Variants in GNA14 observed in about 807,000 individuals in gnomAD.
The protein encoded by GNA14 is G protein subunit alpha 14.
In GNA14, 50 loss-of-function variants were observed where a neutral mutation model predicts 42.0. The ratio of observed to expected loss-of-function variants is 1.19; its 90% confidence interval spans 0.95 to 1.51. The LOEUF (loss-of-function observed/expected upper bound fraction) is 1.51. GNA14 is among the 40% of genes most tolerant of loss of function. GNA14 has a pLI of 0.00. For synonymous variants in GNA14, 173 were observed against 163.1 expected, an observed-to-expected ratio of 1.06 and a Z score of -0.46; for missense variants, 473 against 446.2, an observed-to-expected ratio of 1.06 and a Z score of -0.54.
At chr9:77,602,421 TA>T (rs1823581563) in intron 1 of GNA14, among the ~76,000 whole-genome samples, 1 of 152,232 alleles carries the variant, frequency 6.6e-6, no homozygotes, top group African/African-American at 2.4e-5. Context: ...ATGAACGGTG[TA>T]AAACAGAATC....
At chr9:77,479,426 C>T (rs1020753645) in intron 2 of GNA14, among the ~76,000 whole-genome samples, 33 of 151,920 alleles carry the variant, frequency 2.2e-4, no homozygotes, top group Non-Finnish European at 4.6e-4. Flanking sequence ...GTTACTGTAG[C>T]CTTGTAGTAT....
intron 1 of GNA14, among the ~76,000 whole-genome samples, chr9:77,627,482 C>G (rs142000476): frequency 6.6e-6 from 1 of 152,080 alleles, no homozygotes; most frequent in African/African-American, 2.4e-5. Flanking sequence ...AACATCAATG[C>G]GAAAATCCTC....
At chr9:77,504,355 G>T (rs1297727862) in intron 2 of GNA14, among the ~76,000 whole-genome samples, 1 of 152,074 alleles carries the variant, frequency 6.6e-6, no homozygotes. Context: ...GGAATCTGCT[G>T]TCTACAGGGA....
intron 2 of GNA14, among the ~76,000 whole-genome samples, chr9:77,436,545 G>A (rs138236917): frequency 5.3e-5 from 8 of 152,270 alleles, no homozygotes; most frequent in African/African-American, 1.2e-4. Context: ...CTTGGCTGGC[G>A]AGAATGATGG....
chr9:77,644,640 C>T (rs1233420702), intron 1 of GNA14, among the ~76,000 whole-genome samples: 1 of 152,034 alleles, frequency 6.6e-6, no homozygotes, highest in Non-Finnish European at 1.5e-5. Context: ...GTTGAAGCCT[C>T]CCAGTCTGTG....
intron 2 of GNA14, among the ~76,000 whole-genome samples, chr9:77,452,497 A>C (rs1303587281): frequency 2.0e-5 from 3 of 148,954 alleles, no homozygotes. Flanking sequence ...AGTTTAGGAC[A>C]AAGTCTGAAA....
chr9:77,629,102 T>C (rs1824056649), intron 1 of GNA14, among the ~76,000 whole-genome samples: 2 of 151,956 alleles, frequency 1.3e-5, no homozygotes, highest in Admixed American at 1.3e-4. Flanking sequence ...TCAAGGTATT[T>C]ATGTGGCCAA....
chr9:77,463,991 G>A (rs1378295864), intron 2 of GNA14, among the ~76,000 whole-genome samples: 1 of 152,106 alleles, frequency 6.6e-6, no homozygotes, highest in Admixed American at 6.5e-5. Flanking sequence ...AGCTGGAACT[G>A]GTTTGTTGTT....
intron 2 of GNA14, among the ~76,000 whole-genome samples, chr9:77,521,101 T>C (rs1382013454): frequency 6.6e-6 from 1 of 152,218 alleles, no homozygotes; most frequent in Non-Finnish European, 1.5e-5. Context: ...ATCAGAAAAC[T>C]GTTGGGATAA....
At chr9:77,633,769 C>T (rs1824135903) in intron 1 of GNA14, among the ~76,000 whole-genome samples, 1 of 152,156 alleles carries the variant, frequency 6.6e-6, no homozygotes, top group African/African-American at 2.4e-5. Context: ...ATCAGACCAC[C>T]TGGATTCAAA....
chr9:77,476,794 C>T (rs1432011928), intron 2 of GNA14, among the ~76,000 whole-genome samples: 1 of 152,144 alleles, frequency 6.6e-6, no homozygotes, highest in Non-Finnish European at 1.5e-5. Context: ...AAAGCTGAAA[C>T]CTTGTATCTC....
intron 2 of GNA14, among the ~76,000 whole-genome samples, chr9:77,469,009 T>G (rs143467703): frequency 6.6e-6 from 1 of 152,320 alleles, no homozygotes; most frequent in African/African-American, 2.4e-5. Context: ...AGTTTCATCT[T>G]TTGATGTGTG....
intron 4 of GNA14, among the ~76,000 whole-genome samples, chr9:77,430,444 T>C (rs1835527695): frequency 6.6e-6 from 1 of 152,218 alleles, no homozygotes; most frequent in African/African-American, 2.4e-5. Flanking sequence ...AAGCAGTTAA[T>C]TGTGAAAAGG....
intron 2 of GNA14, among the ~76,000 whole-genome samples, chr9:77,522,410 G>A (rs748127549): frequency 1.3e-5 from 2 of 152,178 alleles, no homozygotes; most frequent in Non-Finnish European, 2.9e-5. Context: ...GTCACCTGGA[G>A]ATTCTGTCAA....
intron 2 of GNA14, among the ~76,000 whole-genome samples, chr9:77,461,741 C>T (rs936353127): frequency 5.3e-5 from 7 of 131,488 alleles, no homozygotes; most frequent in Non-Finnish European, 9.4e-5. Context: ...CATGCGTTTA[C>T]TGTTAGAATT....
At chr9:77,569,995 G>C (rs1367335819) in intron 1 of GNA14, among the ~76,000 whole-genome samples, 1 of 151,914 alleles carries the variant, frequency 6.6e-6, no homozygotes. Context: ...TCGAACTCTT[G>C]ACCTCGTGAT....
At chr9:77,489,806 T>C (rs928285995) in intron 2 of GNA14, among the ~76,000 whole-genome samples, 1 of 152,116 alleles carries the variant, frequency 6.6e-6, no homozygotes, top group Non-Finnish European at 1.5e-5. Flanking sequence ...GTGGTGAGTG[T>C]TACAGCTCAT....
At chr9:77,508,572 T>C (rs7039992) in intron 2 of GNA14, among the ~76,000 whole-genome samples, 34,630 of 152,150 alleles carry the variant, frequency 0.23, 4,235 homozygotes, top group East Asian at 0.46. Flanking sequence ...TACGTGTATA[T>C]ATGTGTGCGT....
chr9:77,521,835 G>A (rs943701505), intron 2 of GNA14, among the ~76,000 whole-genome samples: 1 of 151,924 alleles, frequency 6.6e-6, no homozygotes, highest in Non-Finnish European at 1.5e-5. Context: ...AAAATCATAT[G>A]GTACATATTT....
Sources: gnomAD v4.1 joint callset for allele counts (sites outside exome capture counted in the v4.1 genomes callset) on GRCh38, gnomAD v4.1.1 for gene constraint, MANE v1.5 for transcripts, NCBI Gene and HGNC (gene_info 2026-07-23, HGNC 2026-07-21) for gene names.